Variants in ROBO4 observed in about 807,000 individuals in gnomAD.
ROBO4 encodes the protein roundabout guidance receptor 4.
A neutral mutation model predicts 103.3 loss-of-function variants in ROBO4; 80 were observed. The ratio of observed to expected loss-of-function variants is 0.77; its 90% CI spans 0.65 to 0.93. ROBO4 has a LOEUF of 0.93. ROBO4 is among the 40% of genes least tolerant of loss of function. The pLI, the probability that ROBO4 is intolerant of heterozygous loss-of-function variation, is 0.00. For synonymous variants in ROBO4, 504 were observed against 529.7 expected, an observed-to-expected ratio of 0.95 and a Z score of 0.67; for missense variants, 1,333 against 1,305.3, an observed-to-expected ratio of 1.02 and a Z score of -0.33.
intron 12 of ROBO4, among the ~76,000 whole-genome samples, chr11:124,890,175 C>T (rs940126245): frequency 1.4e-4 from 21 of 152,230 alleles, no homozygotes; most frequent in South Asian, 6.2e-4. Flanking sequence ...GTTTCGTTAC[C>T]ACCAAGGATT....
rs762345598 is a variant in ROBO4 at position 124,887,081 on chromosome 11, C to T, written c.2331G>A (p.Leu777=). 3 of 1,613,762 alleles carry T rather than the reference C, an allele frequency of 1.9e-6. No homozygotes were observed. The highest frequency in any genetic ancestry group is 2.2e-5 in the South Asian group (2 of 91,078). The change falls in exon 15 of 18, where the codon CTG becomes CTA. Residue 777 remains leucine, a synonymous_variant. Coordinates refer to ENST00000306534, the MANE Select transcript of ROBO4 (RefSeq NM_019055.6). Reference sequence around the variant, plus strand: ...CCAGGGATGACAGTGAGGAGCTGGACAGGCGACTGGAAGCTGGGCTGGGGC... The same window carrying T: ...CCAGGGATGACAGTGAGGAGCTGGATAGGCGACTGGAAGCTGGGCTGGGGC... The part of the protein sequence containing the change: ...LSGPSPASSR[L]SSSSLSSLGE...
At chr11:124,891,850 T>C in intron 10 of ROBO4, 48 bp from the exon 11 acceptor site, 1 of 1,607,042 alleles carries the variant, frequency 6.2e-7, no homozygotes, top group Non-Finnish European at 8.5e-7. Flanking sequence ...CAGGGAGAAG[T>C]GAGAACCTTT....
intron 16 of ROBO4, among the ~76,000 whole-genome samples, chr11:124,885,486 T>A (rs1946697419): frequency 6.6e-6 from 1 of 152,034 alleles, no homozygotes; most frequent in Non-Finnish European, 1.5e-5. Flanking sequence ...ATCTGCACTG[T>A]CCCTTCACAT....
intron 4 of ROBO4, 101 bp from the exon 5 acceptor site, chr11:124,896,013 C>G: frequency 6.4e-7 from 1 of 1,556,118 alleles, no homozygotes; most frequent in Non-Finnish European, 8.7e-7. Context: ...GGAACCCAAA[C>G]TCCCAGAGTC....
rs1946862436 is a variant in ROBO4 at position 124,895,123 on chromosome 11, T to C, written c.1107A>G (p.Pro369=). The change falls in exon 7 of 18, where the codon CCA becomes CCG. Residue 369 remains proline (P), a synonymous_variant. Transcript: ENST00000306534. The part of the protein sequence containing the change: ...GNGTVFVSWV[P]PPAENHNGII... The stretch of plus-strand genomic sequence containing the variant: ...TGCCATTGTGGTTTTCAGCAGGTGG[T>C]GGGACCCAGCTCACAAAGACAGTGC... The C allele has an allele frequency of 1.2e-6, 2 of 1,613,892 alleles. No homozygotes were observed. Among genetic ancestry groups the C allele is most frequent in the Non-Finnish European group, 1.7e-6 (2 of 1,179,990 alleles).
chr11:124,891,993 T>C, intron 10 of ROBO4, 191 bp from the exon 11 acceptor site: 1 of 745,916 alleles, frequency 1.3e-6, no homozygotes, highest in Non-Finnish European at 2.3e-6. Context: ...AGCACCCCTT[T>C]CTTATTCCTG....
chr11:124,892,865 A>C (rs892838907), intron 10 of ROBO4: 1 of 152,650 alleles, frequency 6.6e-6, no homozygotes, highest in African/African-American at 2.4e-5. Flanking sequence ...AGCTGGAAGA[A>C]AGAAGCCAGT....
chr11:124,896,220 GC>G lies in ROBO4; in HGVS notation c.656del (p.Arg219ProfsTer29). ...TACCCTGGATGGAAACCCGGGCTGCGCGGCTCTCCCTATGTCCTGCGCTGTT... is the reference window on the plus strand; with the variant it reads ...TACCCTGGATGGAAACCCGGGCTGCGGGCTCTCCCTATGTCCTGCGCTGTT... ...ATNSAGHRES[R>X]AARVSIQEPQ... On this transcript the variant is annotated frameshift_variant, in exon 4 of 18. Transcript: ENST00000306534. LOFTEE classifies it high-confidence loss of function. The G allele has an allele frequency of 6.2e-7, 1 of 1,614,074 alleles. No homozygotes were observed. Among genetic ancestry groups the G allele is most frequent in the Non-Finnish European group, 8.5e-7 (1 of 1,180,022 alleles).
Position 124,891,710 on chromosome 11 carries a change from C to G in ROBO4, c.1640G>C (p.Arg547Pro). The G allele has an allele frequency of 6.2e-7, 1 of 1,614,164 alleles. No homozygotes were observed. Residue 547 changes from arginine (R) to proline (P), a missense_variant, in exon 11 of 18, where the codon CGG (arginine) becomes CCG (proline). Coordinates refer to ENST00000306534, the MANE Select transcript of ROBO4 (RefSeq NM_019055.6). ...DLSSSSSLSSRLGADARDPLD... is the reference protein window; with the variant it reads ...DLSSSSSLSSPLGADARDPLD... ...TGGGTCCCGGGCATCCGCCCCCAGC[C>G]GACTGCTGAGGCTGCTGCTGCTGCT... is the stretch of plus-strand genomic sequence containing the variant.
In ROBO4 at chr11:124,887,305, C is replaced by T. The variant is rs929331940; in HGVS notation, c.2198+53G>A. 2.2e-5 allele frequency: 35 copies of T among 1,611,476 alleles called. No homozygotes were observed. In the East Asian group the frequency reaches 5.1e-4, roughly 24 times the overall value. On this transcript the variant is annotated intron_variant, in intron 14 of 17. Coordinates refer to ENST00000306534, the MANE Select transcript of ROBO4 (RefSeq NM_019055.6). ...CCAGCCTGTCCAATCCCGGCACACA[C>T]TCCCCACACCCCCACTCTCCCAGCC...
intron 3 of ROBO4, 86 bp downstream of exon 3, chr11:124,896,427 C>A: frequency 1.3e-6 from 2 of 1,587,088 alleles, no homozygotes; most frequent in Non-Finnish European, 1.7e-6. Flanking sequence ...CCGGAGGATG[C>A]GGGGCTGGAC....
chr11:124,887,933 G>T, intron 12 of ROBO4, 93 bp from the exon 13 acceptor site: 3 of 1,003,342 alleles, frequency 3.0e-6, no homozygotes, highest in South Asian at 3.2e-5. Flanking sequence ...AATTCAGCCT[G>T]CACGACCCTG....
chr11:124,891,692 C>T lies in ROBO4; in HGVS notation c.1658G>A (p.Arg553Gln), dbSNP rs532085885. 1.3e-5 allele frequency: 21 copies of T among 1,614,164 alleles called. No individual in the cohort carries two copies. Among genetic ancestry groups the T allele is most frequent in the South Asian group, 7.7e-5 (7 of 91,084 alleles). ...GGAGCGACGACAGTCTAGTGGGTCC[C>T]GGGCATCCGCCCCCAGCCGACTGCT... ...SLSSRLGADA[R>Q]DPLDCRRSLL... Residue 553 changes from arginine to glutamine, a missense_variant, in exon 11 of 18, where the codon CGG (arginine) becomes CAG (glutamine). Arg to Gln is a conservative substitution (Grantham distance 43). Coordinates refer to ENST00000306534, the MANE Select transcript of ROBO4 (RefSeq NM_019055.6).
rs199929730 is a variant in ROBO4 at position 124,884,284 on chromosome 11, G to GC, written c.*606dup. ...ATAGTGACAACAGTACGAGGATGGT[G>GC]CTTTTGACCTACGGTCTCATACCTC... On this transcript the variant is annotated 3_prime_UTR_variant, in exon 18 of 18. Transcript: ENST00000306534. 1,089 of 153,622 alleles carry GC rather than the reference G, an allele frequency of 7.1e-3. 4 individuals carry two copies. The highest frequency in any genetic ancestry group is 9.5e-3 in the Non-Finnish European group (658 of 68,950). The allele number at this position is 153,622 out of a possible 1,614,324, so 9.5% of individuals were successfully genotyped here. A position where few individuals can be genotyped will look rare whatever the true frequency, so the allele number is the denominator to read the frequency against.
Position 124,886,983 on chromosome 11 carries a change from G to A in ROBO4, c.2429C>T (p.Thr810Ile). Residue 810 changes from threonine to isoleucine, a missense_variant, in exon 15 of 18, where the codon ACT (threonine) becomes ATT (isoleucine). By Grantham distance (89) the Thr-to-Ile change is moderately conservative (BLOSUM62 -1). Coordinates refer to ENST00000306534, the MANE Select transcript of ROBO4 (RefSeq NM_019055.6). ...TATCTCTCAAGCTACTCACCTGGGA[G>A]TCTCCTCACCCTCACTGAGTTCCAA... ...LCLELSEGEETPRNSVSPMPR... is the reference protein window; with the variant it reads ...LCLELSEGEEIPRNSVSPMPR... The A allele has an allele frequency of 1.2e-6, 2 of 1,606,548 alleles. No homozygotes were observed. The highest frequency in any genetic ancestry group is 1.7e-6 in the Non-Finnish European group (2 of 1,174,744).
rs777716177 is a variant in ROBO4 at position 124,894,030 on chromosome 11, C to G, written c.1334G>C (p.Arg445Pro). Residue 445 changes from arginine (R) to proline (P), a missense_variant, in exon 9 of 18, where the codon CGA becomes CCA. By Grantham distance (103) the Arg-to-Pro change is moderately radical (BLOSUM62 -2). Transcript: ENST00000306534. ...ATGCTCACTGGGTTCTTGGGTGGCT[C>G]GCTCCATGGCCTGCTCTGTATGGGA... The part of the protein sequence containing the change: ...VCLLLEQAME[R>P]ATQEPSEHGP... 4.5e-6 allele frequency: 7 copies of G among 1,550,568 alleles called. No homozygotes were observed. Among genetic ancestry groups the G allele is most frequent in the African/African-American group, 1.4e-5 (1 of 73,264 alleles).
chr11:124,886,907 G>A (rs200293426), intron 15 of ROBO4, 70 bp downstream of exon 15: 188 of 1,543,630 alleles, frequency 1.2e-4, no homozygotes, highest in Non-Finnish European at 1.4e-4. Flanking sequence ...GAGGGAGGGC[G>A]GAATGGGTGG....
At chr11:124,897,323 A>C (rs1451444009) in intron 1 of ROBO4, 62 bp from the exon 2 acceptor site, 2 of 1,197,910 alleles carry the variant, frequency 1.7e-6, no homozygotes, top group Non-Finnish European at 2.3e-6. Flanking sequence ...TTCCTGGCCC[A>C]CCCCTCATCT....
In ROBO4 at chr11:124,897,807, G is replaced by A; in HGVS notation, c.-12C>T. The A allele has an allele frequency of 6.2e-7, 1 of 1,609,312 alleles. No individual in the cohort carries two copies. Among genetic ancestry groups the A allele is most frequent in the Non-Finnish European group, 8.5e-7 (1 of 1,176,792 alleles). ...CCTCCAGAGCCCATGGCTACTCTCA[G>A]CCCTATGTCCTTGTCCCGAGCACTT... On this transcript the variant is annotated 5_prime_UTR_variant, in exon 1 of 18. Transcript: ENST00000306534.
Sources: gnomAD v4.1 joint callset for allele counts (sites outside exome capture counted in the v4.1 genomes callset) on GRCh38, gnomAD v4.1.1 for gene constraint, MANE v1.5 for transcripts, NCBI Gene and HGNC (gene_info 2026-07-23, HGNC 2026-07-21) for gene names.